Variants in ROBO1 observed in about 807,000 individuals in gnomAD.
ROBO1 encodes the protein roundabout guidance receptor 1, also known as roundabout homolog 1.
Under a neutral mutation model 195.9 loss-of-function variants are expected in ROBO1, and 149 were observed. The ratio of observed to expected loss-of-function variants is 0.76; its 90% CI spans 0.67 to 0.87. The LOEUF (loss-of-function observed/expected upper bound fraction) is 0.87. Ranked by LOEUF, ROBO1 falls within the 40% of genes least tolerant of loss-of-function variation. The probability of loss-of-function intolerance (pLI) is 0.00; values close to 1 mark genes in which losing one functional copy is unlikely to be tolerated. For missense variants in ROBO1, 1,933 were observed against 2,068.3 expected (o/e 0.93, Z 1.27); for synonymous variants, 816 against 733.2 (o/e 1.11, Z -1.82).
intron 8 of ROBO1, among the ~76,000 whole-genome samples, chr3:78,711,382 C>CTTT (rs2081717340): frequency 2.7e-4 from 9 of 33,034 alleles, no homozygotes; most frequent in Non-Finnish European, 4.6e-4. Flanking sequence ...TTCCTTCCTT[C>CTTT]CTTCCTTCCT....
chr3:78,992,348 T>G (rs565131049), intron 3 of ROBO1, among the ~76,000 whole-genome samples: 28 of 152,186 alleles, frequency 1.8e-4, no homozygotes, highest in African/African-American at 6.5e-4. Context: ...TGAAGGTGGC[T>G]CAATAAGACT....
chr3:79,569,147 C>CAT (rs535665994), intron 2 of ROBO1, among the ~76,000 whole-genome samples: 39 of 151,900 alleles, frequency 2.6e-4, no homozygotes, highest in Non-Finnish European at 4.9e-4. Flanking sequence ...CACACACACA[C>CAT]GCACGATTTG....
At chr3:78,721,602 AGAGT>A (rs955035428) in intron 5 of ROBO1, among the ~76,000 whole-genome samples, 7 of 152,214 alleles carry the variant, frequency 4.6e-5, no homozygotes, top group Non-Finnish European at 8.8e-5. Flanking sequence ...CTTTGTTTTA[AGAGT>A]GAGTAAGTGT....
intron 2 of ROBO1, among the ~76,000 whole-genome samples, chr3:79,542,799 T>G (rs756605247): frequency 6.6e-6 from 1 of 152,058 alleles, no homozygotes; most frequent in Non-Finnish European, 1.5e-5. Flanking sequence ...GTTCCTTTCC[T>G]ACTTCTTTAT....
intron 29 of ROBO1, among the ~76,000 whole-genome samples, chr3:78,602,726 C>T (rs1311150737): frequency 6.6e-6 from 1 of 152,042 alleles, no homozygotes; most frequent in Non-Finnish European, 1.5e-5. Flanking sequence ...AATTCCTAAA[C>T]TATGCCCCAA....
At chr3:79,173,176 GCAGCCCTCA>G (rs1306841331) in intron 2 of ROBO1, among the ~76,000 whole-genome samples, 1 of 151,928 alleles carries the variant, frequency 6.6e-6, no homozygotes, top group Non-Finnish European at 1.5e-5. Context: ...CAGCGTGCTG[GCAGCCCTCA>G]CAGCCCTCAC....
At chr3:79,243,990 C>T (rs1421846122) in intron 2 of ROBO1, among the ~76,000 whole-genome samples, 2 of 152,084 alleles carry the variant, frequency 1.3e-5, no homozygotes, top group African/African-American at 4.8e-5. Flanking sequence ...TTTAATCCAT[C>T]TTGAATTAAT....
intron 1 of ROBO1, among the ~76,000 whole-genome samples, chr3:79,627,734 T>G (rs1560051286): frequency 6.6e-6 from 1 of 151,900 alleles, no homozygotes; most frequent in African/African-American, 2.4e-5. Flanking sequence ...TAGGAGAAAA[T>G]TTTTGCAATC....
chr3:78,822,524 T>A (rs935750042), intron 4 of ROBO1, among the ~76,000 whole-genome samples: 4 of 152,080 alleles, frequency 2.6e-5, no homozygotes, highest in African/African-American at 9.7e-5. Flanking sequence ...GATCCTACAA[T>A]CTGGTGGATG....
intron 2 of ROBO1, among the ~76,000 whole-genome samples, chr3:79,234,415 T>C (rs2082373192): frequency 6.6e-6 from 1 of 152,060 alleles, no homozygotes. Context: ...CAGCCAGCTA[T>C]CTCCGCACCA....
Position 79,086,698 on chromosome 3 carries a change from C to A in ROBO1, c.172+38758G>T, listed in dbSNP as rs548672597. Among the ~76,000 whole-genome samples, 12 of 152,236 alleles carry A rather than the reference C, an allele frequency of 7.9e-5. 1 individual carries two copies. In the South Asian group the frequency reaches 2.5e-3, roughly 32 times the overall value. The stretch of plus-strand genomic sequence containing the variant: ...AAAACAGTATGCAGACACCTCAATT[C>A]TATAGAATCAGACTCCCCCGCTCCC... On this transcript the variant is annotated intron_variant, in intron 3 of 30. Transcript: ENST00000464233.
chr3:79,473,215 C>T (rs1938377161), intron 2 of ROBO1, among the ~76,000 whole-genome samples: 1 of 152,078 alleles, frequency 6.6e-6, no homozygotes, highest in African/African-American at 2.4e-5. Context: ...TGGAGAGACA[C>T]AGGCATGTGA....
chr3:79,229,532 G>A (rs2082285559), intron 2 of ROBO1, among the ~76,000 whole-genome samples: 1 of 152,004 alleles, frequency 6.6e-6, no homozygotes, highest in South Asian at 2.1e-4. Flanking sequence ...CTGTAGCCTG[G>A]AACTCCTAGG....
At chr3:79,324,907 G>GTTTGT (rs2034139998) in intron 2 of ROBO1, among the ~76,000 whole-genome samples, 1 of 152,172 alleles carries the variant, frequency 6.6e-6, no homozygotes, top group African/African-American at 2.4e-5. Flanking sequence ...AGAATACAAA[G>GTTTGT]AGCCCAGAGT....
chr3:79,261,745 G>A (rs112233245), intron 2 of ROBO1, among the ~76,000 whole-genome samples: 6,107 of 151,900 alleles, frequency 0.04, 152 homozygotes, highest in Admixed American at 0.049. Context: ...AGACACCAAG[G>A]ATATTGTTTC....
At chr3:78,723,404 T>G (rs1306051288) in intron 5 of ROBO1, among the ~76,000 whole-genome samples, 1 of 152,174 alleles carries the variant, frequency 6.6e-6, no homozygotes, top group African/African-American at 2.4e-5. Context: ...AACAACACAT[T>G]TGTCAGAATA....
chr3:79,756,656 G>C (rs1158842696), intron 1 of ROBO1, among the ~76,000 whole-genome samples: 1 of 151,490 alleles, frequency 6.6e-6, no homozygotes, highest in African/African-American at 2.4e-5. Context: ...TTTTTATTGT[G>C]GTAAAATATA....
At chr3:79,094,254 G>A (rs2079526967) in intron 3 of ROBO1, among the ~76,000 whole-genome samples, 1 of 152,056 alleles carries the variant, frequency 6.6e-6, no homozygotes. Flanking sequence ...AAGAAGCATA[G>A]AGTAAGAAAA....
Position 79,077,005 on chromosome 3 carries a change from G to C in ROBO1, c.172+48451C>G, listed in dbSNP as rs530878264. Among the ~76,000 whole-genome samples, 4 of 151,818 alleles carry C rather than the reference G, an allele frequency of 2.6e-5. No individual in the cohort carries two copies. The South Asian group carries it at 8.3e-4, about 32-fold the overall frequency. On this transcript the variant is annotated intron_variant, in intron 3 of 30. Transcript: ENST00000464233. ...TTCTTATATTTTTAAATATTTAATT[G>C]ACACATAAAGATGGACTATATTCAA...
Sources: gnomAD v4.1 joint callset for allele counts (sites outside exome capture counted in the v4.1 genomes callset) on GRCh38, gnomAD v4.1.1 for gene constraint, MANE v1.5 for transcripts, NCBI Gene and HGNC (gene_info 2026-07-23, HGNC 2026-07-21) for gene names.